The following FBXO38 variants were observed in gnomAD, a reference collection of about 807,000 sequenced individuals.
FBXO38 encodes F-box protein 38.
In FBXO38, 53 loss-of-function variants were observed where a neutral mutation model predicts 131.9. That is an observed-to-expected ratio of 0.40 (90% CI 0.32 to 0.51). The LOEUF (loss-of-function observed/expected upper bound fraction) is 0.51, where lower values mean the gene tolerates loss of function less well. FBXO38 is among the 20% of genes least tolerant of loss of function. The probability of loss-of-function intolerance (pLI) is 0.53; values close to 1 mark genes in which losing one functional copy is unlikely to be tolerated. For synonymous variants in FBXO38, 452 were observed against 505.6 expected, an observed-to-expected ratio of 0.89 and a Z score of 1.42; for missense variants, 1,076 against 1,475.6, an observed-to-expected ratio of 0.73 and a Z score of 4.44.
intron 1 of FBXO38, chr5:148,384,633 G>C (rs1757816444): frequency 6.7e-6 from 1 of 149,974 alleles, no homozygotes; most frequent in African/African-American, 2.5e-5. Flanking sequence ...CCGTGCCCTA[G>C]CTGTGGAAAT....
chr5:148,441,852 T>A (rs1362133652), intron 21 of FBXO38, 117 bp from the exon 22 acceptor site: 1 of 726,182 alleles, frequency 1.4e-6, no homozygotes, highest in African/African-American at 1.8e-5. Flanking sequence ...GACCTATTCA[T>A]GCATCAGTTA....
rs932990195 is a variant in FBXO38, at chr5:148,442,312, A to G, written c.*165A>G. On this transcript the variant is annotated 3_prime_UTR_variant, in exon 22 of 22. Coordinates refer to ENST00000340253, the MANE Select transcript of FBXO38 (RefSeq NM_205836.3). Reference sequence around the variant, plus strand: ...CGAAATTGTATACAAAGATTTGTACATAAAAAATATACAAAGACGCTTCCT... The same window carrying G: ...CGAAATTGTATACAAAGATTTGTACGTAAAAAATATACAAAGACGCTTCCT... The G allele has an allele frequency of 2.1e-4, 94 of 455,244 alleles. No homozygotes were observed. Among genetic ancestry groups the G allele is most frequent in the Non-Finnish European group, 2.9e-4 (75 of 260,838 alleles). 28.2% of individuals were successfully genotyped at this position (455,244 alleles called of 1,614,324 possible).
Position 148,417,016 on chromosome 5 carries a change from G to A in FBXO38, c.1430G>A (p.Ser477Asn). Residue 477 changes from serine (S) to asparagine (N), a missense_variant, in exon 12 of 22, where the codon AGT (serine) becomes AAT (asparagine). By Grantham distance (46) the Ser-to-Asn change is conservative (BLOSUM62 1). Around this residue, in one of 8 missense-constraint regions of FBXO38, gnomAD observed 146 missense variants for 274.3 expected, o/e 0.53. Transcript: ENST00000340253. ...PPKGCARVGL[S>N]AGTGIGVSSA... ...TAGGGTTGTGCTCGAGTTGGTCTGA[G>A]TGCAGGCACAGGAATTGGTGTTTCA... 1 of 1,613,886 alleles carries A rather than the reference G, an allele frequency of 6.2e-7. No homozygotes were observed. Among genetic ancestry groups the A allele is most frequent in the Non-Finnish European group, 8.5e-7 (1 of 1,179,828 alleles).
At chr5:148,406,497 T>A (rs532042455) in intron 7 of FBXO38, 103 bp downstream of exon 7, 37 of 923,524 alleles carry the variant, frequency 4.0e-5, no homozygotes, top group Admixed American at 2.1e-4. Context: ...AAGAAAATGC[T>A]CGTCAGTAAC....
intron 12 of FBXO38, among the ~76,000 whole-genome samples, chr5:148,420,281 C>G (rs1452655624): frequency 2.6e-5 from 4 of 151,926 alleles, no homozygotes; most frequent in Non-Finnish European, 5.9e-5. Flanking sequence ...TGACACCACT[C>G]TCAGCTGATT....
intron 8 of FBXO38, among the ~76,000 whole-genome samples, chr5:148,409,501 A>G (rs191781481): frequency 9.8e-5 from 15 of 152,342 alleles, no homozygotes; most frequent in Admixed American, 4.6e-4. Flanking sequence ...TGAGAGTCCA[A>G]TAGAAGTTAG....
At chr5:148,440,567 G>T (rs375383158) in intron 20 of FBXO38, 40 bp downstream of exon 20, 11 of 1,262,630 alleles carry the variant, frequency 8.7e-6, no homozygotes. Context: ...AATAGCCTGT[G>T]CAGTACTTAC....
chr5:148,406,629 G>T (rs1349680041), intron 7 of FBXO38, among the ~76,000 whole-genome samples: 3 of 151,976 alleles, frequency 2.0e-5, no homozygotes, highest in African/African-American at 7.2e-5. Context: ...ATGTTTTCTG[G>T]CTTGTTTTGA....
intron 5 of FBXO38, among the ~76,000 whole-genome samples, chr5:148,404,414 A>T (rs938687799): frequency 6.6e-6 from 1 of 152,218 alleles, no homozygotes; most frequent in African/African-American, 2.4e-5. Flanking sequence ...AGAAAGACTT[A>T]CATGTCTAAG....
chr5:148,423,985 AT>A lies in FBXO38; in HGVS notation c.1619-9del. 6.2e-7 allele frequency: 1 copy of A among 1,605,380 alleles called. No individual in the cohort carries two copies. The highest frequency in any genetic ancestry group is 8.5e-7 in the Non-Finnish European group (1 of 1,177,022). On this transcript the variant is annotated splice_polypyrimidine_tract_variant and intron_variant, in intron 12 of 21. Transcript: ENST00000340253. ...TTCTTTTGGTTTTTACTTTGTGTATATTTTCGTTGAAGCATTAAATGAGATG... is the reference window on the plus strand; with the variant it reads ...TTCTTTTGGTTTTTACTTTGTGTATATTTCGTTGAAGCATTAAATGAGATG...
chr5:148,434,595 T>TTGTGTA (rs887979448), intron 17 of FBXO38: 1 of 152,200 alleles, frequency 6.6e-6, no homozygotes, highest in African/African-American at 2.4e-5. Flanking sequence ...TGTTAAATGT[T>TTGTGTA]TGTGTATGTG....
intron 2 of FBXO38, chr5:148,397,472 A>G (rs1383680578): frequency 6.6e-6 from 1 of 152,210 alleles, no homozygotes. Flanking sequence ...TTATTTAGAA[A>G]GCAAATTTAA....
At chr5:148,418,959 G>A (rs1234097519) in intron 12 of FBXO38, among the ~76,000 whole-genome samples, 1 of 152,078 alleles carries the variant, frequency 6.6e-6, no homozygotes, top group Non-Finnish European at 1.5e-5. Flanking sequence ...TTATAAATAC[G>A]GTTTCAGAAG....
At chr5:148,415,874 G>A in intron 10 of FBXO38, 54 bp from the exon 11 acceptor site, 1 of 1,592,824 alleles carries the variant, frequency 6.3e-7, no homozygotes, top group Non-Finnish European at 8.6e-7. Context: ...AAATTCATCA[G>A]TAATGGGGAA....
chr5:148,397,380 G>T (rs943041014), intron 2 of FBXO38, among the ~76,000 whole-genome samples: 1 of 152,126 alleles, frequency 6.6e-6, no homozygotes, highest in Non-Finnish European at 1.5e-5. Context: ...TGGTCTGTTT[G>T]TATTTAAAGG....
intron 2 of FBXO38, 143 bp from the exon 3 acceptor site, chr5:148,398,856 T>C (rs896170231): frequency 1.1e-6 from 1 of 890,202 alleles, no homozygotes; most frequent in Non-Finnish European, 1.7e-6. Flanking sequence ...TGTATGACCG[T>C]ATGTGTGGTA....
intron 15 of FBXO38, among the ~76,000 whole-genome samples, chr5:148,431,323 C>T (rs1307769681): frequency 1.3e-5 from 2 of 152,196 alleles, no homozygotes; most frequent in Non-Finnish European, 2.9e-5. Context: ...AAACTTTCTT[C>T]CTCATGCATC....
intron 9 of FBXO38, among the ~76,000 whole-genome samples, chr5:148,411,932 A>G (rs1022589182): frequency 1.8e-4 from 28 of 152,250 alleles, no homozygotes; most frequent in East Asian, 1.4e-3. Context: ...TATTCTTTCT[A>G]TAATTTTGTT....
Position 148,442,001 on chromosome 5 carries a change from C to T in FBXO38, c.3421C>T (p.Leu1141=). ...TIYAPRRKGQ[L]SADICMETIG... is the part of the protein sequence containing the mutation. The stretch of plus-strand genomic sequence containing the variant: ...CTATGCTCCTAGAAGGAAAGGACAG[C>T]TGTCTGCAGACATCTGTATGGAAAC... Residue 1141 remains leucine (L), a synonymous_variant, in exon 22 of 22, where the codon CTG becomes TTG. Transcript: ENST00000340253. The T allele has an allele frequency of 1.9e-6, 3 of 1,613,774 alleles. No individual in the cohort carries two copies. The highest frequency in any genetic ancestry group is 2.5e-6 in the Non-Finnish European group (3 of 1,179,720).
Sources: allele counts gnomAD v4.1 joint callset (sites outside exome capture counted in the v4.1 genomes callset), GRCh38; gene constraint gnomAD v4.1.1; regional missense constraint gnomAD v4.1.1; transcripts MANE v1.5; gene names NCBI Gene and HGNC (gene_info 2026-07-23, HGNC 2026-07-21).